The following STYK1 variants were observed in gnomAD, a reference collection of about 807,000 sequenced individuals.
STYK1 encodes the protein STY kinase 1, also known as tyrosine-protein kinase STYK1.
A neutral mutation model predicts 48.1 loss-of-function variants in STYK1; 46 were observed. That is an observed-to-expected ratio of 0.96 (90% CI 0.75 to 1.22). The LOEUF is 1.22. Among genes scored for constraint, STYK1 ranks in the 50% most tolerant of loss-of-function variants. The pLI is 0.00. For synonymous variants in STYK1, 188 were observed against 189.0 expected, an observed-to-expected ratio of 0.99 and a Z score of 0.04; for missense variants, 527 against 521.1, an observed-to-expected ratio of 1.01 and a Z score of -0.11.
intron 1 of STYK1, among the ~76,000 whole-genome samples, chr12:10,649,736 C>CA (rs1323781342): frequency 1.3e-5 from 2 of 151,580 alleles, no homozygotes; most frequent in Non-Finnish European, 2.9e-5. Flanking sequence ...CTGATGGTAA[C>CA]AAAAAAAGAC....
In STYK1 at chr12:10,670,995, A is replaced by ATTTTTTTTT. The variant is rs763044772; in HGVS notation, c.-195+2962_-195+2970dup. Reference sequence around the variant, plus strand: ...ATCTCCAGAACCTATGAATATATTGATTTTTTTTTTTTTTTTTTTTTTGAC... The same window carrying ATTTTTTTTT: ...ATCTCCAGAACCTATGAATATATTGATTTTTTTTTTTTTTTTTTTTTTTTTTTTTTTGAC... On this transcript the variant is annotated intron_variant, in intron 1 of 10. Coordinates refer to ENST00000075503, the MANE Select transcript of STYK1 (RefSeq NM_018423.3). Among the ~76,000 whole-genome samples, 23 of 110,466 alleles carry ATTTTTTTTT rather than the reference A, an allele frequency of 2.1e-4. 1 individual carries two copies. Among genetic ancestry groups the ATTTTTTTTT allele is most frequent in the East Asian group, 1.1e-3 (4 of 3,752 alleles). The allele number at this position is 110,466 out of a possible 152,430, so 72.5% of individuals were successfully genotyped here.
Position 10,618,968 on chromosome 12 carries a change from A to C in STYK1, c.*1176T>G, listed in dbSNP as rs1208255037. 6.6e-6 allele frequency: 1 copy of C among 152,222 alleles called. No individual in the cohort carries two copies. Among genetic ancestry groups the C allele is most frequent in the African/African-American group, 2.4e-5 (1 of 41,456 alleles). The allele number at this position is 152,222 out of a possible 1,614,324, so 9.4% of individuals were successfully genotyped here. ...GGAGAAACACGTTTATTGAGCGCATATGTGCCAGATAGTGTACAAATACAT... is the reference window on the plus strand; with the variant it reads ...GGAGAAACACGTTTATTGAGCGCATCTGTGCCAGATAGTGTACAAATACAT... On this transcript the variant is annotated 3_prime_UTR_variant, in exon 11 of 11. Transcript: ENST00000075503.
At chr12:10,660,973 T>C in intron 1 of STYK1, among the ~76,000 whole-genome samples, 1 of 152,138 alleles carries the variant, frequency 6.6e-6, no homozygotes, top group East Asian at 1.9e-4. Context: ...TGCCTATTCC[T>C]TTCTTAGTAA....
intron 1 of STYK1, among the ~76,000 whole-genome samples, chr12:10,644,740 C>G (rs542627494): frequency 6.6e-6 from 1 of 152,156 alleles, no homozygotes; most frequent in Admixed American, 6.5e-5. Context: ...AAGGAGAAAT[C>G]AAAGAAGAGG....
rs577135563 is a variant in STYK1 at position 10,668,128 on chromosome 12, T to G, written c.-195+5838A>C. The stretch of plus-strand genomic sequence containing the variant: ...GAAGTTCAACAATAAAATACTTTTT[T>G]TTTTAACCTGGAAGAATCTCCAGCA... On this transcript the variant is annotated intron_variant, in intron 1 of 10. Coordinates refer to ENST00000075503, the MANE Select transcript of STYK1 (RefSeq NM_018423.3). Among the ~76,000 whole-genome samples, 11 of 152,328 alleles carry G rather than the reference T, an allele frequency of 7.2e-5. No individual in the cohort carries two copies. The South Asian group carries it at 1.5e-3, about 20-fold the overall frequency.
At position 10,622,050 on chromosome 12, in the gene STYK1, G is replaced by A. The variant is rs1865916627; in HGVS notation, c.968-78C>T. ...AACTAACACTATTCTTCATCCACTT[G>A]GGTTGGTTGCTTGCAAAAGATATAG... On this transcript the variant is annotated intron_variant, in intron 9 of 10. Transcript: ENST00000075503. 7 of 1,346,618 alleles carry A rather than the reference G, an allele frequency of 5.2e-6. No individual in the cohort carries two copies. In the South Asian group the frequency reaches 8.6e-5, roughly 17 times the overall value. The allele number at this position is 1,346,618 out of a possible 1,614,324, so 83.4% of individuals were successfully genotyped here. A position where few individuals can be genotyped will look rare whatever the true frequency, so the allele number is the denominator to read the frequency against.
At chr12:10,653,158 C>T (rs1002323920) in intron 1 of STYK1, among the ~76,000 whole-genome samples, 8 of 151,918 alleles carry the variant, frequency 5.3e-5, no homozygotes, top group Admixed American at 3.3e-4. Context: ...CTGCAAGCTC[C>T]GCCTCCTGGG....
Position 10,629,546 on chromosome 12 carries a change from A to C in STYK1, c.580T>G (p.Leu194Val). Residue 194 changes from leucine to valine, a missense_variant, in exon 6 of 11, where the codon TTG becomes GTG. By Grantham distance (32) the Leu-to-Val change is conservative. Coordinates refer to ENST00000075503, the MANE Select transcript of STYK1 (RefSeq NM_018423.3). The part of the protein sequence containing the change: ...CTEKLPLYMV[L>V]EDVAQGDLLS... Reference sequence around the variant, plus strand: ...AGGTCCCCCTGGGCCACATCCTCCAACACCATATAGAGTGGCAGCTTTTCA... The same window carrying C: ...AGGTCCCCCTGGGCCACATCCTCCACCACCATATAGAGTGGCAGCTTTTCA... 6.2e-7 allele frequency: 1 copy of C among 1,614,168 alleles called. No homozygotes were observed. Among genetic ancestry groups the C allele is most frequent in the Non-Finnish European group, 8.5e-7 (1 of 1,180,036 alleles).
At chr12:10,660,572 T>C (rs1207332278) in intron 1 of STYK1, among the ~76,000 whole-genome samples, 3 of 34,018 alleles carry the variant, frequency 8.8e-5, no homozygotes, top group Non-Finnish European at 2.2e-4. Flanking sequence ...AGGTTAGGCA[T>C]TCTTAGTTAC....
At chr12:10,654,621 C>T (rs141558940) in intron 1 of STYK1, among the ~76,000 whole-genome samples, 1 of 152,148 alleles carries the variant, frequency 6.6e-6, no homozygotes, top group Non-Finnish European at 1.5e-5. Flanking sequence ...AGGAGAGTCT[C>T]TCCTAAGACA....
At chr12:10,670,217 C>T (rs1404512844) in intron 1 of STYK1, among the ~76,000 whole-genome samples, 8 of 152,134 alleles carry the variant, frequency 5.3e-5, no homozygotes, top group Non-Finnish European at 8.8e-5. Flanking sequence ...GTTTTGCCTT[C>T]TGTGTATAGA....
chr12:10,644,873 T>C (rs568810127), intron 1 of STYK1, among the ~76,000 whole-genome samples: 2 of 152,184 alleles, frequency 1.3e-5, no homozygotes, highest in Middle Eastern at 3.4e-3. Context: ...GGACCAGAGA[T>C]AAATATTTGG....
intron 1 of STYK1, among the ~76,000 whole-genome samples, chr12:10,659,515 C>G (rs1310876569): frequency 6.6e-6 from 1 of 152,072 alleles, no homozygotes; most frequent in Non-Finnish European, 1.5e-5. Context: ...TGGCCTCATA[C>G]CTTGTCTATG....
chr12:10,622,925 T>C (rs1865930637), intron 8 of STYK1, among the ~76,000 whole-genome samples: 1 of 152,240 alleles, frequency 6.6e-6, no homozygotes, highest in Non-Finnish European at 1.5e-5. Flanking sequence ...AATTAATAGA[T>C]GTTTGTTATT....
At chr12:10,643,846 G>T (rs1947571498) in intron 1 of STYK1, among the ~76,000 whole-genome samples, 1 of 152,166 alleles carries the variant, frequency 6.6e-6, no homozygotes, top group African/African-American at 2.4e-5. Context: ...CGAAGAGATG[G>T]CACTGTGCAG....
At chr12:10,653,477 A>T (rs1947685365) in intron 1 of STYK1, among the ~76,000 whole-genome samples, 1 of 152,264 alleles carries the variant, frequency 6.6e-6, no homozygotes, top group African/African-American at 2.4e-5. Flanking sequence ...AAGTAGAACT[A>T]TAATGAAACT....
At chr12:10,630,018 C>A (rs1947404847) in intron 5 of STYK1, among the ~76,000 whole-genome samples, 1 of 140,278 alleles carries the variant, frequency 7.1e-6, no homozygotes, top group African/African-American at 2.7e-5. Flanking sequence ...CATTACTGGC[C>A]CATATCATGA....
At chr12:10,645,058 A>T (rs1947584864) in intron 1 of STYK1, among the ~76,000 whole-genome samples, 1 of 152,194 alleles carries the variant, frequency 6.6e-6, no homozygotes, top group Non-Finnish European at 1.5e-5. Context: ...AAACTCAAAG[A>T]GGGCCTAAGA....
chr12:10,623,776 C>T (rs1947326066), intron 8 of STYK1, among the ~76,000 whole-genome samples: 1 of 151,988 alleles, frequency 6.6e-6, no homozygotes, highest in South Asian at 2.1e-4. Context: ...TCTCATGCTA[C>T]CTAAAATCAT....
Sources: gnomAD v4.1 joint callset for allele counts (sites outside exome capture counted in the v4.1 genomes callset) on GRCh38, gnomAD v4.1.1 for gene constraint, MANE v1.5 for transcripts, NCBI Gene and HGNC (gene_info 2026-07-23, HGNC 2026-07-21) for gene names.